Variants in SLC10A7 observed in about 807,000 individuals in gnomAD.
SLC10A7 encodes sodium/bile acid cotransporter 7.
Under a neutral mutation model 43.2 loss-of-function variants are expected in SLC10A7, and 29 were observed. The ratio of observed to expected loss-of-function variants is 0.67; its 90% CI spans 0.50 to 0.92. The LOEUF is 0.92. Among genes scored for constraint, SLC10A7 ranks in the 40% least tolerant of loss-of-function variants. The pLI is 0.00. For missense variants in SLC10A7, 295 were observed against 403.2 expected (o/e 0.73, Z 2.30); for synonymous variants, 152 against 144.8 (o/e 1.05, Z -0.35).
At position 146,397,158 on chromosome 4, in the gene SLC10A7, A is replaced by G. The variant is rs534370575; in HGVS notation, c.435+45625T>C. On this transcript the variant is annotated intron_variant, in intron 5 of 11. Transcript: ENST00000335472. ...TGTTTTTTTAAAGTATTTATGAATC[A>G]TATTTATGATATTTACGATTTTACT... is the stretch of plus-strand genomic sequence containing the variant. Among the ~76,000 whole-genome samples the G allele has an allele frequency of 3.8e-4, 58 of 152,286 alleles. No homozygotes were observed. The South Asian group carries it at 0.01, about 27-fold the overall frequency.
At chr4:146,488,638 T>C (rs958731239) in intron 4 of SLC10A7, among the ~76,000 whole-genome samples, 3 of 152,244 alleles carry the variant, frequency 2.0e-5, no homozygotes, top group African/African-American at 4.8e-5. Flanking sequence ...TAGAAGTCTT[T>C]TATTTCCTTC....
intron 4 of SLC10A7, among the ~76,000 whole-genome samples, chr4:146,457,791 C>T (rs1732198959): frequency 6.6e-6 from 1 of 151,888 alleles, no homozygotes; most frequent in Non-Finnish European, 1.5e-5. Context: ...CTCTTAAGAA[C>T]AGATGACCTA....
At chr4:146,386,802 TTTC>T (rs1738034806) in intron 5 of SLC10A7, among the ~76,000 whole-genome samples, 1 of 152,230 alleles carries the variant, frequency 6.6e-6, no homozygotes, top group Non-Finnish European at 1.5e-5. Flanking sequence ...TACATACTGC[TTTC>T]TTCTTGGAAG....
chr4:146,442,927 A>C, intron 4 of SLC10A7, 106 bp from the exon 5 acceptor site: 13 of 812,978 alleles, frequency 1.6e-5, no homozygotes, highest in Non-Finnish European at 2.2e-5. Flanking sequence ...ACCTTAAAAC[A>C]TTGACTCTAT....
At chr4:146,305,851 C>G (rs1311876773) in intron 7 of SLC10A7, 75 bp downstream of exon 7, 10 of 1,293,694 alleles carry the variant, frequency 7.7e-6, no homozygotes, top group Non-Finnish European at 1.1e-5. Flanking sequence ...TCCTTTCTCT[C>G]AACTGCTCTG....
At chr4:146,429,350 TGAA>T (rs1395443482) in intron 5 of SLC10A7, among the ~76,000 whole-genome samples, 6 of 152,182 alleles carry the variant, frequency 3.9e-5, no homozygotes, top group Non-Finnish European at 7.4e-5. Flanking sequence ...ATCAGATAAA[TGAA>T]GAGAGATTAA....
intron 5 of SLC10A7, among the ~76,000 whole-genome samples, chr4:146,414,111 G>A (rs761640309): frequency 1.3e-5 from 2 of 152,134 alleles, no homozygotes; most frequent in East Asian, 3.9e-4. Flanking sequence ...CCAGAACCCA[G>A]AACACGGGCT....
intron 5 of SLC10A7, among the ~76,000 whole-genome samples, chr4:146,372,453 CAAAAA>C (rs3042366): frequency 1.7e-5 from 2 of 117,006 alleles, no homozygotes; most frequent in Non-Finnish European, 3.6e-5. Context: ...AACCCTGTTT[CAAAAA>C]AAAAAAAAAA....
chr4:146,421,628 C>T (rs1336440091), intron 5 of SLC10A7, among the ~76,000 whole-genome samples: 2 of 152,182 alleles, frequency 1.3e-5, no homozygotes, highest in East Asian at 3.9e-4. Context: ...GTAAATGCCC[C>T]TCTTTTCACT....
intron 5 of SLC10A7, among the ~76,000 whole-genome samples, chr4:146,385,977 A>G (rs1737965274): frequency 6.6e-6 from 1 of 152,136 alleles, no homozygotes; most frequent in Admixed American, 6.5e-5. Context: ...TTATCTAATC[A>G]ACTGTTGATG....
chr4:146,356,750 T>C (rs1735678388), intron 5 of SLC10A7, among the ~76,000 whole-genome samples: 1 of 152,204 alleles, frequency 6.6e-6, no homozygotes, highest in African/African-American at 2.4e-5. Context: ...TTTTGTCTTC[T>C]TCCCCCTGCA....
intron 10 of SLC10A7, among the ~76,000 whole-genome samples, chr4:146,269,403 G>A (rs1488748920): frequency 6.6e-6 from 1 of 152,204 alleles, no homozygotes; most frequent in Non-Finnish European, 1.5e-5. Context: ...TCTTCCAGGA[G>A]GGGTCACCAC....
intron 6 of SLC10A7, among the ~76,000 whole-genome samples, chr4:146,323,527 A>C (rs1732885739): frequency 6.6e-6 from 1 of 152,208 alleles, no homozygotes; most frequent in Admixed American, 6.5e-5. Flanking sequence ...GTCAAAGATC[A>C]CATGGTTGCA....
chr4:146,521,584 G>A (rs1476409070), intron 1 of SLC10A7, 34 bp downstream of exon 1: 1 of 1,568,846 alleles, frequency 6.4e-7, no homozygotes, highest in Non-Finnish European at 8.7e-7. Flanking sequence ...TGAAGTGGGA[G>A]CCGCGGTGGA....
chr4:146,434,313 T>A (rs1273062032), intron 5 of SLC10A7, among the ~76,000 whole-genome samples: 1 of 106,922 alleles, frequency 9.4e-6, no homozygotes, highest in African/African-American at 3.7e-5. Flanking sequence ...AGCAGCTTTT[T>A]GAAAGTTATT....
chr4:146,358,786 A>AT (rs142392265), intron 5 of SLC10A7, among the ~76,000 whole-genome samples: 8,593 of 151,482 alleles, frequency 0.057, 356 homozygotes, highest in South Asian at 0.18. Context: ...GGACATTTGA[A>AT]TTTTTTTTTC....
chr4:146,361,444 G>A (rs1308403303), intron 5 of SLC10A7, among the ~76,000 whole-genome samples: 1 of 152,118 alleles, frequency 6.6e-6, no homozygotes, highest in Non-Finnish European at 1.5e-5. Flanking sequence ...GGTAATCCAG[G>A]AAATTCTCCC....
At chr4:146,363,965 A>G (rs1455036116) in intron 5 of SLC10A7, among the ~76,000 whole-genome samples, 1 of 152,044 alleles carries the variant, frequency 6.6e-6, no homozygotes, top group African/African-American at 2.4e-5. Flanking sequence ...AGAGCACACC[A>G]AACACAAAAT....
chr4:146,445,265 A>T (rs1419234179), intron 4 of SLC10A7, among the ~76,000 whole-genome samples: 1 of 152,098 alleles, frequency 6.6e-6, no homozygotes, highest in African/African-American at 2.4e-5. Context: ...CTGAGATGGG[A>T]GAGTTCCCTT....
Sources: allele counts gnomAD v4.1 joint callset (sites outside exome capture counted in the v4.1 genomes callset), GRCh38; gene constraint gnomAD v4.1.1; transcripts MANE v1.5; gene names NCBI Gene and HGNC (gene_info 2026-07-23, HGNC 2026-07-21).